DCP1B: variants seen among roughly 807,000 people sequenced by gnomAD.
DCP1B encodes decapping mRNA 1B.
A neutral mutation model predicts 60.5 loss-of-function variants in DCP1B; 47 were observed. That is an observed-to-expected ratio of 0.78 (90% CI 0.61 to 0.99). The LOEUF is 0.99. Among genes scored for constraint, DCP1B ranks in the 50% least tolerant of loss-of-function variants. DCP1B has a pLI of 0.00. For synonymous variants in DCP1B, 267 were observed against 280.3 expected, an observed-to-expected ratio of 0.95 and a Z score of 0.47; for missense variants, 725 against 756.8, an observed-to-expected ratio of 0.96 and a Z score of 0.49.
At chr12:1,986,159 T>C (rs991472285) in intron 3 of DCP1B, among the ~76,000 whole-genome samples, 4 of 152,262 alleles carry the variant, frequency 2.6e-5, no homozygotes, top group Non-Finnish European at 5.9e-5. Context: ...ATACATATAC[T>C]AGTCTGAATT....
In DCP1B at chr12:1,979,172, CT is replaced by C. The variant is rs534201637; in HGVS notation, c.320-11263del. 5.3e-5 allele frequency among the ~76,000 whole-genome samples: 8 copies of C among 152,322 alleles called. No homozygotes were observed. The South Asian group carries it at 1.7e-3, about 32-fold the overall frequency. ...GGATTACACGTGCCCGCCATCGAGC[CT>C]GGCTAATTTTTTTTATTTTTAGTAG... On this transcript the variant is annotated intron_variant, in intron 3 of 8. Transcript: ENST00000280665.
intron 2 of DCP1B, 59 bp from the exon 3 acceptor site, chr12:1,993,450 T>C: frequency 6.3e-7 from 1 of 1,576,964 alleles, no homozygotes. Flanking sequence ...TATGCTATAT[T>C]TTCAGTATAA....
chr12:1,970,076 C>T (rs997881901), intron 3 of DCP1B, among the ~76,000 whole-genome samples: 4 of 152,046 alleles, frequency 2.6e-5, no homozygotes, highest in Admixed American at 6.6e-5. Flanking sequence ...TATACATTTG[C>T]GGCATTTGAC....
downstream of DCP1B, among the ~76,000 whole-genome samples, chr12:1,942,179 C>A (rs917563022): frequency 6.6e-6 from 1 of 151,984 alleles, no homozygotes; most frequent in African/African-American, 2.4e-5. Flanking sequence ...CAACAAAGAT[C>A]AAAAAAGACA....
rs977545403 is a variant in DCP1B, at chr12:1,948,890, C to A, written c.1773+196G>T. Among the ~76,000 whole-genome samples, 1 of 152,228 alleles carries A rather than the reference C, an allele frequency of 6.6e-6. No individual in the cohort carries two copies. Among genetic ancestry groups the A allele is most frequent in the Non-Finnish European group, 1.5e-5 (1 of 68,034 alleles). On this transcript the variant is annotated intron_variant, in intron 8 of 8. Transcript: ENST00000280665. The surrounding 1 kb of genome is among the most constrained non-coding windows in gnomAD (Gnocchi z 4.8). ...ACAAAATCCTTGAAGAGCTGAGACACCCAAGCCACACTTGGTATTATAAAT... is the reference window on the plus strand; with the variant it reads ...ACAAAATCCTTGAAGAGCTGAGACAACCAAGCCACACTTGGTATTATAAAT...
At chr12:1,942,175 A>G (rs1398065253), downstream of DCP1B, among the ~76,000 whole-genome samples, 2 of 152,248 alleles carry the variant, frequency 1.3e-5, no homozygotes, top group Non-Finnish European at 2.9e-5. Context: ...AAACCAACAA[A>G]GATCAAAAAA....
intron 5 of DCP1B, among the ~76,000 whole-genome samples, chr12:1,964,859 A>G (rs1409556687): frequency 1.3e-5 from 2 of 152,116 alleles, no homozygotes; most frequent in Non-Finnish European, 2.9e-5. Context: ...AATCAGGGAG[A>G]GCTCGCTCCA....
chr12:1,952,880 T>A lies in DCP1B; in HGVS notation c.1060A>T (p.Asn354Tyr), dbSNP rs557126963. Residue 354 changes from asparagine to tyrosine, a missense_variant, in exon 7 of 9, where the codon AAC becomes TAC. Coordinates refer to ENST00000280665, the MANE Select transcript of DCP1B (RefSeq NM_152640.5). ...GTACTCTGAAGTTTCTCGAACAGGT[T>A]CTGAGTTCTGGAAGCATTTTGTACA... The part of the protein sequence containing the change: ...RGVQNASRTQ[N>Y]LFEKLQSTPG... 19 of 1,614,176 alleles carry A rather than the reference T, an allele frequency of 1.2e-5. No individual in the cohort carries two copies. The South Asian group carries it at 1.8e-4, about 15-fold the overall frequency.
chr12:1,943,564 A>G (rs1372784398), downstream of DCP1B, among the ~76,000 whole-genome samples: 1 of 152,206 alleles, frequency 6.6e-6, no homozygotes, highest in Non-Finnish European at 1.5e-5. Context: ...AACCGAATCC[A>G]GCAGCACATC....
At chr12:2,001,938 A>G (rs1440707349) in intron 1 of DCP1B, among the ~76,000 whole-genome samples, 2 of 152,176 alleles carry the variant, frequency 1.3e-5, no homozygotes, top group African/African-American at 2.4e-5. Flanking sequence ...CCACTGGTCT[A>G]AGGACTGACA....
At chr12:1,970,523 T>C (rs893340622) in intron 3 of DCP1B, among the ~76,000 whole-genome samples, 1 of 152,214 alleles carries the variant, frequency 6.6e-6, no homozygotes, top group African/African-American at 2.4e-5. Flanking sequence ...CTTGAGTGCA[T>C]TCCCCTGGGA....
chr12:1,954,229 TA>T (rs2030797959), intron 6 of DCP1B, among the ~76,000 whole-genome samples: 1 of 151,960 alleles, frequency 6.6e-6, no homozygotes, highest in South Asian at 2.1e-4. Context: ...AGCTTCATTT[TA>T]AAGTCAACAT....
intron 5 of DCP1B, among the ~76,000 whole-genome samples, chr12:1,964,240 G>C (rs1038975857): frequency 6.6e-6 from 1 of 151,900 alleles, no homozygotes; most frequent in Admixed American, 6.6e-5. Context: ...ATTTATTTCA[G>C]CTAGTTTCCA....
chr12:1,986,129 A>C (rs2037699622), intron 3 of DCP1B, among the ~76,000 whole-genome samples: 1 of 152,154 alleles, frequency 6.6e-6, no homozygotes, highest in South Asian at 2.1e-4. Flanking sequence ...TCTATTTTCA[A>C]AGGTGTTTAT....
chr12:1,985,820 C>CT (rs1482929585), intron 3 of DCP1B, among the ~76,000 whole-genome samples: 8 of 151,252 alleles, frequency 5.3e-5, no homozygotes, highest in South Asian at 4.2e-4. Flanking sequence ...TTTCTTTTTT[C>CT]TTTTTTTTTG....
In DCP1B at chr12:1,953,211, A is replaced by G. The variant is rs771317529; in HGVS notation, c.729T>C (p.Thr243=). The G allele has an allele frequency of 3.7e-6, 6 of 1,608,538 alleles. No individual in the cohort carries two copies. The highest frequency in any genetic ancestry group is 5.1e-6 in the Non-Finnish European group (6 of 1,179,986). ...GGTGGAGAGTCTGCGGAGGCTCCACAGTTTCCTGACATGTAGCTTTGTCCT... is the reference window on the plus strand; with the variant it reads ...GGTGGAGAGTCTGCGGAGGCTCCACGGTTTCCTGACATGTAGCTTTGTCCT... ...GKQDKATCQE[T]VEPPQTLHQQ... The change falls in exon 7 of 9, where the codon ACT becomes ACC. Residue 243 remains threonine (T), a synonymous_variant. Transcript: ENST00000280665.
intron 3 of DCP1B, among the ~76,000 whole-genome samples, chr12:1,975,772 T>C (rs1390382928): frequency 6.6e-6 from 1 of 152,176 alleles, no homozygotes; most frequent in Non-Finnish European, 1.5e-5. Context: ...TCACCATATA[T>C]GACTTTGCCA....
At chr12:1,972,477 A>T (rs1277464472) in intron 3 of DCP1B, among the ~76,000 whole-genome samples, 2 of 152,352 alleles carry the variant, frequency 1.3e-5, no homozygotes, top group South Asian at 4.1e-4. Flanking sequence ...AAAGATCCCA[A>T]GATATTTAAA....
intron 3 of DCP1B, among the ~76,000 whole-genome samples, chr12:1,972,357 A>G (rs902787917): frequency 6.6e-6 from 1 of 152,214 alleles, no homozygotes; most frequent in Non-Finnish European, 1.5e-5. Context: ...ATGTTTCTTG[A>G]TTTACTATAG....
Sources: allele counts gnomAD v4.1 joint callset (sites outside exome capture counted in the v4.1 genomes callset), GRCh38; gene constraint gnomAD v4.1.1; non-coding constraint Gnocchi (gnomAD v3.1); transcripts MANE v1.5; gene names NCBI Gene and HGNC (gene_info 2026-07-23, HGNC 2026-07-21).